The following LRRC1 variants were observed in gnomAD, a reference collection of about 807,000 sequenced individuals.
LRRC1 encodes leucine rich repeat containing 1.
LRRC1 carries 28 observed loss-of-function variants against 69.9 expected under a neutral mutation model. The ratio of observed to expected loss-of-function variants is 0.40; its 90% CI spans 0.30 to 0.55. The LOEUF (loss-of-function observed/expected upper bound fraction) is 0.55. Among genes scored for constraint, LRRC1 ranks in the 20% least tolerant of loss-of-function variants. LRRC1 has a pLI of 0.47. For missense variants in LRRC1, 498 were observed against 609.0 expected (o/e 0.82, Z 1.92); for synonymous variants, 236 against 240.2 (o/e 0.98, Z 0.16).
chr6:53,823,512 C>CT (rs1456046408), intron 1 of LRRC1, among the ~76,000 whole-genome samples: 1 of 152,016 alleles, frequency 6.6e-6, no homozygotes, highest in Admixed American at 6.6e-5. Flanking sequence ...TTGTTTTAAA[C>CT]TTTTAAGTTC....
intron 2 of LRRC1, among the ~76,000 whole-genome samples, chr6:53,873,133 G>A (rs957566890): frequency 6.6e-6 from 1 of 151,614 alleles, no homozygotes. Context: ...TTTTTCATCA[G>A]TGTTTTATAG....
chr6:53,921,957 C>G (rs1273635536), intron 13 of LRRC1, among the ~76,000 whole-genome samples: 2 of 152,152 alleles, frequency 1.3e-5, no homozygotes, highest in Non-Finnish European at 2.9e-5. Context: ...TTGGTTCCCC[C>G]TAAAGCTCTT....
At chr6:53,862,099 A>G (rs1279377056) in intron 2 of LRRC1, among the ~76,000 whole-genome samples, 1 of 152,220 alleles carries the variant, frequency 6.6e-6, no homozygotes, top group Non-Finnish European at 1.5e-5. Context: ...ATCCATTGGA[A>G]GACTCCATTT....
chr6:53,864,310 A>C (rs1316526391), intron 2 of LRRC1, among the ~76,000 whole-genome samples: 2 of 151,964 alleles, frequency 1.3e-5, no homozygotes, highest in Non-Finnish European at 2.9e-5. Flanking sequence ...CTCTCCCCAC[A>C]CTGCTCATCC....
intron 13 of LRRC1, among the ~76,000 whole-genome samples, chr6:53,921,199 C>A (rs540928554): frequency 3.0e-4 from 45 of 152,092 alleles, no homozygotes; most frequent in Non-Finnish European, 5.1e-4. Flanking sequence ...AGTTCCTGGA[C>A]TCAAGTGACC....
intron 2 of LRRC1, among the ~76,000 whole-genome samples, chr6:53,870,637 T>G (rs1467545881): frequency 6.6e-6 from 1 of 152,194 alleles, no homozygotes; most frequent in Non-Finnish European, 1.5e-5. Flanking sequence ...TTCTTTGTGG[T>G]GAGATTGTTC....
intron 4 of LRRC1, among the ~76,000 whole-genome samples, chr6:53,892,723 A>T (rs1767744082): frequency 6.6e-6 from 1 of 152,200 alleles, no homozygotes; most frequent in Non-Finnish European, 1.5e-5. Context: ...ATTCTGTTTT[A>T]TGTCAGCTCT....
intron 2 of LRRC1, among the ~76,000 whole-genome samples, chr6:53,855,022 A>G (rs565619791): frequency 6.6e-6 from 1 of 152,350 alleles, no homozygotes; most frequent in South Asian, 2.1e-4. Flanking sequence ...GAAGGTTGTG[A>G]TAAGTTAAAA....
At chr6:53,801,330 T>C (rs1764479438) in intron 1 of LRRC1, among the ~76,000 whole-genome samples, 1 of 152,242 alleles carries the variant, frequency 6.6e-6, no homozygotes, top group African/African-American at 2.4e-5. Flanking sequence ...AATGTTGAGC[T>C]TTCTTTTATG....
At chr6:53,885,531 G>T (rs538774852) in intron 4 of LRRC1, among the ~76,000 whole-genome samples, 1 of 152,316 alleles carries the variant, frequency 6.6e-6, no homozygotes, top group East Asian at 1.9e-4. Context: ...GTCTGATGTG[G>T]AATCCTTACA....
rs111288221 is a variant in LRRC1 at position 53,908,617 on chromosome 6, C to A, written c.990+4155C>A. On this transcript the variant is annotated intron_variant, in intron 10 of 13. Transcript: ENST00000370888. ...AGTAATTCCTAAACTTGAAATAAGT[C>A]ATAAAAAATAGTTGATGGATTGTCT... Among the ~76,000 whole-genome samples the A allele has an allele frequency of 3.5e-3, 533 of 152,118 alleles. 1 individual carries two copies. The highest frequency in any genetic ancestry group is 0.012 in the African/African-American group (492 of 41,492).
At chr6:53,882,532 A>G (rs1767326865) in intron 3 of LRRC1, among the ~76,000 whole-genome samples, 1 of 152,190 alleles carries the variant, frequency 6.6e-6, no homozygotes, top group Non-Finnish European at 1.5e-5. Flanking sequence ...TTTTACTCTT[A>G]GGCACTTTTA....
chr6:53,836,739 A>G (rs567556177), intron 1 of LRRC1, among the ~76,000 whole-genome samples: 1 of 152,228 alleles, frequency 6.6e-6, no homozygotes, highest in Non-Finnish European at 1.5e-5. Flanking sequence ...TGTCACTGCC[A>G]TTCAGGTTAA....
At chr6:53,883,841 A>G in intron 4 of LRRC1, 3 of 701,212 alleles carry the variant, frequency 4.3e-6, no homozygotes, top group African/African-American at 1.8e-5. Flanking sequence ...TGAGAACCAC[A>G]GTAAGCAGTT....
At chr6:53,859,807 A>G (rs1283492935) in intron 2 of LRRC1, among the ~76,000 whole-genome samples, 3 of 152,186 alleles carry the variant, frequency 2.0e-5, no homozygotes, top group Non-Finnish European at 4.4e-5. Flanking sequence ...AAATCCCAGA[A>G]TGAAATAGAC....
At position 53,896,438 on chromosome 6, in the gene LRRC1, G is replaced by A. The variant is rs74960241; in HGVS notation, c.447-60G>A. 1.9e-3 allele frequency: 2,595 copies of A among 1,375,062 alleles called. 38 individuals carry two copies. In the African/African-American group the frequency reaches 0.031, roughly 17 times the overall value. The allele number at this position is 1,375,062 out of a possible 1,614,324, so 85.2% of individuals were successfully genotyped here. A position where few individuals can be genotyped will look rare whatever the true frequency, so the allele number is the denominator to read the frequency against. ...TGTCCAGTGTGTGTATGGGGGAAGG[G>A]AGGTAGGAAGAATCTCAGGAATTTC... is the stretch of plus-strand genomic sequence containing the variant. On this transcript the variant is annotated intron_variant, in intron 4 of 13. Coordinates refer to ENST00000370888, the MANE Select transcript of LRRC1 (RefSeq NM_018214.5).
chr6:53,903,176 C>T (rs1265597840), intron 9 of LRRC1, among the ~76,000 whole-genome samples: 3 of 152,116 alleles, frequency 2.0e-5, no homozygotes, highest in African/African-American at 7.2e-5. Context: ...CCAGGAAAAG[C>T]CTTGGCAGGA....
At chr6:53,904,517 A>G in intron 10 of LRRC1, 55 bp downstream of exon 10, 4 of 1,182,856 alleles carry the variant, frequency 3.4e-6, no homozygotes, top group Non-Finnish European at 4.9e-6. Context: ...TAATAATAAT[A>G]CATAAGGGAT....
At chr6:53,910,702 G>A (rs1328734818) in intron 10 of LRRC1, among the ~76,000 whole-genome samples, 3 of 152,202 alleles carry the variant, frequency 2.0e-5, no homozygotes. Context: ...TTTCATTTAA[G>A]TTAATCATTA....
Sources: allele counts gnomAD v4.1 joint callset (sites outside exome capture counted in the v4.1 genomes callset), GRCh38; gene constraint gnomAD v4.1.1; transcripts MANE v1.5; gene names NCBI Gene and HGNC (gene_info 2026-07-23, HGNC 2026-07-21).